Variants in TSGA10 observed in about 807,000 individuals in gnomAD.
TSGA10 encodes the protein testis specific 10.
TSGA10 carries 43 observed loss-of-function variants against 96.6 expected under a neutral mutation model. That is an observed-to-expected ratio of 0.44 (90% CI 0.35 to 0.57). The LOEUF is 0.57. TSGA10 is among the 20% of genes least tolerant of loss of function. The pLI is 0.01. For missense variants in TSGA10, 703 were observed against 834.4 expected, an observed-to-expected ratio of 0.84 and a Z score of 1.94; for synonymous variants, 229 against 269.9, an observed-to-expected ratio of 0.85 and a Z score of 1.48.
chr2:99,018,943 T>C (rs1488212192), intron 18 of TSGA10, among the ~76,000 whole-genome samples: 1 of 152,218 alleles, frequency 6.6e-6, no homozygotes, highest in African/African-American at 2.4e-5. Context: ...CTATAAATTG[T>C]TTTTTATGTA....
chr2:99,051,520 A>T (rs1310971476), intron 16 of TSGA10, among the ~76,000 whole-genome samples: 3 of 152,166 alleles, frequency 2.0e-5, no homozygotes, highest in African/African-American at 7.2e-5. Context: ...AAATGATAAA[A>T]TTCAATGCTC....
In TSGA10 at chr2:99,020,461, C is replaced by T; in HGVS notation, c.1636G>A (p.Ala546Thr). ...IEMRENELDS[A>T]HSEIELLRSQ... ...CTCAGGAGTTCAATTTCAGAATGAGCAGAATCTAACTCATTCTCCCTCTGT... is the reference window on the plus strand; with the variant it reads ...CTCAGGAGTTCAATTTCAGAATGAGTAGAATCTAACTCATTCTCCCTCTGT... Residue 546 changes from alanine (A) to threonine (T), a missense_variant, in exon 18 of 21, where the codon GCT (alanine) becomes ACT (threonine). Ala to Thr is a moderately conservative substitution (Grantham distance 58, BLOSUM62 0). Transcript: ENST00000393483. 6.2e-7 allele frequency: 1 copy of T among 1,611,022 alleles called. No individual in the cohort carries two copies. The highest frequency in any genetic ancestry group is 8.5e-7 in the Non-Finnish European group (1 of 1,177,480).
intron 12 of TSGA10, among the ~76,000 whole-genome samples, chr2:99,073,955 A>C (rs142202037): frequency 0.011 from 1,594 of 150,656 alleles, 8 homozygotes; most frequent in Middle Eastern, 0.028. Flanking sequence ...GATTTTTAAA[A>C]ACCCAAACCT....
chr2:99,147,653 C>A (rs184047453), intron 1 of TSGA10, among the ~76,000 whole-genome samples: 8 of 151,960 alleles, frequency 5.3e-5, no homozygotes, highest in Non-Finnish European at 5.9e-5. Flanking sequence ...TTTTTTAAAA[C>A]GTTTTTTCAA....
In TSGA10 at chr2:98,998,185, T is replaced by A. The variant is rs747642212; in HGVS notation, c.*12A>T. The A allele has an allele frequency of 6.3e-7, 1 of 1,597,580 alleles. No homozygotes were observed. The highest frequency in any genetic ancestry group is 8.5e-7 in the Non-Finnish European group (1 of 1,174,344). On this transcript the variant is annotated 3_prime_UTR_variant, in exon 21 of 21. Coordinates refer to ENST00000393483, the MANE Select transcript of TSGA10 (RefSeq NM_025244.4). ...TGACCTTTCTCAGGGATGTGAAGAA[T>A]CATTTCAGGTGTCAGAAATCTCTGT...
intron 10 of TSGA10, among the ~76,000 whole-genome samples, chr2:99,089,651 C>T (rs1478202696): frequency 6.6e-6 from 1 of 152,088 alleles, no homozygotes; most frequent in Non-Finnish European, 1.5e-5. Context: ...CCCCACTTCC[C>T]TAGTGACCTG....
At chr2:99,065,220 G>T in intron 15 of TSGA10, 96 bp from the exon 16 acceptor site, 1 of 1,366,878 alleles carries the variant, frequency 7.3e-7, no homozygotes, top group Non-Finnish European at 1.0e-6. Flanking sequence ...CTTGCCATGA[G>T]AAGCGTTTAT....
At chr2:99,102,498 T>C (rs1559022920) in intron 10 of TSGA10, 1 of 1,614,060 alleles carries the variant, frequency 6.2e-7, no homozygotes, top group Non-Finnish European at 8.5e-7. Context: ...CATTCAGAAA[T>C]GTGACCCGGC....
rs949677834 is a variant in TSGA10 at position 99,020,295 on chromosome 2, A to G, written c.1802T>C (p.Leu601Ser). Residue 601 changes from leucine to serine, a missense_variant, in exon 18 of 21, where the codon TTG (leucine) becomes TCG (serine). Around this residue, in one of 3 missense-constraint regions of TSGA10, gnomAD observed 49 missense variants for 96.4 expected, o/e 0.51. Transcript: ENST00000393483. ...EIQLLKEHLC[L>S]AENKMAIQSR... ...AACAACTCACATTTTATTTTCTGCC[A>G]AACAAAGGTGTTCTTTAAGAAGCTG... is the stretch of plus-strand genomic sequence containing the variant. The G allele has an allele frequency of 1.9e-6, 3 of 1,613,322 alleles. No homozygotes were observed. Among genetic ancestry groups the G allele is most frequent in the African/African-American group, 2.7e-5 (2 of 74,904 alleles).
intron 20 of TSGA10, among the ~76,000 whole-genome samples, chr2:98,999,482 A>C (rs2077709075): frequency 1.3e-5 from 2 of 152,230 alleles, no homozygotes; most frequent in South Asian, 4.1e-4. Context: ...TGTCAGTCAA[A>C]GGACACCATT....
intron 17 of TSGA10, among the ~76,000 whole-genome samples, chr2:99,028,350 A>C (rs2080834949): frequency 1.3e-5 from 2 of 152,248 alleles, no homozygotes. Context: ...AATAAAAATT[A>C]TATATACTTA....
intron 2 of TSGA10, among the ~76,000 whole-genome samples, chr2:99,119,870 G>A (rs192838634): frequency 1.3e-4 from 20 of 152,180 alleles, no homozygotes; most frequent in Admixed American, 8.5e-4. Context: ...ACAAACTACA[G>A]GACGTGAAAC....
chr2:99,144,993 C>A (rs745971466), intron 1 of TSGA10, among the ~76,000 whole-genome samples: 14 of 152,166 alleles, frequency 9.2e-5, no homozygotes, highest in Non-Finnish European at 2.1e-4. Flanking sequence ...CACTTGGTGT[C>A]TTTAAGCAAC....
intron 1 of TSGA10, among the ~76,000 whole-genome samples, chr2:99,138,696 T>C (rs554135928): frequency 6.6e-6 from 1 of 152,218 alleles, no homozygotes; most frequent in African/African-American, 2.4e-5. Context: ...GAAAAACTTG[T>C]TCCTTAATTC....
At chr2:99,000,147 G>A (rs540885098) in intron 20 of TSGA10, among the ~76,000 whole-genome samples, 11 of 152,300 alleles carry the variant, frequency 7.2e-5, no homozygotes, top group Non-Finnish European at 1.0e-4. Flanking sequence ...TGAGGCGAGT[G>A]GATTACCTGA....
chr2:99,015,896 G>A (rs1292975980), intron 20 of TSGA10, among the ~76,000 whole-genome samples: 1 of 152,010 alleles, frequency 6.6e-6, no homozygotes. Context: ...TTTTACAATG[G>A]CAGCAAAAAA....
intron 17 of TSGA10, among the ~76,000 whole-genome samples, chr2:99,033,135 G>A (rs1297400726): frequency 6.6e-6 from 1 of 152,110 alleles, no homozygotes; most frequent in Non-Finnish European, 1.5e-5. Context: ...CAAAGAGGTC[G>A]CTTCTGAATG....
At chr2:99,085,837 A>C (rs1257238552) in intron 10 of TSGA10, among the ~76,000 whole-genome samples, 1 of 152,142 alleles carries the variant, frequency 6.6e-6, no homozygotes, top group Non-Finnish European at 1.5e-5. Context: ...AAATTGAAGA[A>C]ATTTCAGTAG....
At chr2:99,151,518 A>T (rs1353681538) in intron 1 of TSGA10, 5 of 151,806 alleles carry the variant, frequency 3.3e-5, no homozygotes, top group Admixed American at 2.6e-4. Flanking sequence ...GTATTTCACA[A>T]TATTTCTGGT....
Sources: allele counts gnomAD v4.1 joint callset (sites outside exome capture counted in the v4.1 genomes callset), GRCh38; gene constraint gnomAD v4.1.1; regional missense constraint gnomAD v4.1.1; transcripts MANE v1.5; gene names NCBI Gene and HGNC (gene_info 2026-07-23, HGNC 2026-07-21).